TBC1D8: variants seen among roughly 807,000 people sequenced by gnomAD.
The protein encoded by TBC1D8 is TBC1 domain family member 8.
A neutral mutation model predicts 118.8 loss-of-function variants in TBC1D8; 65 were observed. That is an observed-to-expected ratio of 0.55 (90% CI 0.45 to 0.67). The LOEUF is 0.67. TBC1D8 is among the 30% of genes least tolerant of loss of function. The pLI is 0.00. For missense variants in TBC1D8, 1,376 were observed against 1,471.2 expected (o/e 0.94, Z 1.06); for synonymous variants, 566 against 595.8 (o/e 0.95, Z 0.73).
At chr2:101,069,069 G>A (rs1258821616) in intron 2 of TBC1D8, among the ~76,000 whole-genome samples, 1 of 150,896 alleles carries the variant, frequency 6.6e-6, no homozygotes, top group African/African-American at 2.4e-5. Flanking sequence ...GGAGGCCGAG[G>A]CGGGTGGATC....
chr2:101,018,020 A>G, intron 17 of TBC1D8: 2 of 1,288,914 alleles, frequency 1.6e-6, no homozygotes, highest in Non-Finnish European at 2.2e-6. Flanking sequence ...GCATGTGCTC[A>G]TTCTACATAT....
intron 6 of TBC1D8, 27 bp from the exon 7 acceptor site, chr2:101,038,682 A>G: frequency 6.2e-7 from 1 of 1,611,396 alleles, no homozygotes; most frequent in Non-Finnish European, 8.5e-7. Context: ...ATGCAGGGAC[A>G]GAAGGGCGGG....
chr2:101,123,728 T>G (rs1267214169), intron 1 of TBC1D8, among the ~76,000 whole-genome samples: 1 of 152,180 alleles, frequency 6.6e-6, no homozygotes, highest in Non-Finnish European at 1.5e-5. Context: ...AGTTGTTCGC[T>G]TTGTTTTGTT....
intron 14 of TBC1D8, 32 bp downstream of exon 14, chr2:101,028,016 G>A (rs1473460288): frequency 8.1e-6 from 13 of 1,605,742 alleles, no homozygotes; most frequent in South Asian, 2.2e-5. Flanking sequence ...CCCCAATACC[G>A]TGATCACCGG....
At chr2:101,097,144 C>T (rs539944312) in intron 1 of TBC1D8, among the ~76,000 whole-genome samples, 5 of 151,956 alleles carry the variant, frequency 3.3e-5, no homozygotes, top group Admixed American at 6.6e-5. Flanking sequence ...TTTTAAAAAG[C>T]CTGCGAACAA....
At chr2:101,061,759 G>T (rs925905893) in intron 2 of TBC1D8, among the ~76,000 whole-genome samples, 1 of 152,168 alleles carries the variant, frequency 6.6e-6, no homozygotes, top group Admixed American at 6.5e-5. Context: ...GAGGTGAGGG[G>T]TCCCGGTCCT....
chr2:101,143,369 T>A (rs908929072), intron 1 of TBC1D8, among the ~76,000 whole-genome samples: 1 of 151,930 alleles, frequency 6.6e-6, no homozygotes, highest in East Asian at 1.9e-4. Context: ...ACACCTTTCC[T>A]TTTTTTTAAA....
At chr2:101,018,140 T>C (rs1167712027) in intron 17 of TBC1D8, 4 of 516,838 alleles carry the variant, frequency 7.7e-6, no homozygotes, top group African/African-American at 3.8e-5. Context: ...AACAAAGCTT[T>C]CCCTCATTCA....
intron 15 of TBC1D8, 25 bp downstream of exon 15, chr2:101,027,358 C>G: frequency 6.2e-7 from 1 of 1,609,668 alleles, no homozygotes; most frequent in Non-Finnish European, 8.5e-7. Context: ...GGCCTGGAAC[C>G]CCTCATCTTC....
intron 2 of TBC1D8, among the ~76,000 whole-genome samples, chr2:101,084,962 C>T (rs1280063470): frequency 5.9e-5 from 9 of 151,276 alleles, no homozygotes; most frequent in Non-Finnish European, 8.8e-5. Flanking sequence ...CATTCTCCTG[C>T]CTCAGCCACC....
intron 2 of TBC1D8, among the ~76,000 whole-genome samples, chr2:101,078,685 T>C (rs6704799): frequency 0.95 from 138,486 of 146,024 alleles, 65,790 homozygotes; most frequent in East Asian, 1. Context: ...CTCCTCCCTA[T>C]TTTGGGACAT....
chr2:101,062,318 C>T (rs1326112283), intron 2 of TBC1D8, among the ~76,000 whole-genome samples: 1 of 148,954 alleles, frequency 6.7e-6, no homozygotes, highest in Non-Finnish European at 1.5e-5. Context: ...AAAAAAAAAA[C>T]AAGTGAAGAA....
intron 1 of TBC1D8, among the ~76,000 whole-genome samples, chr2:101,106,433 T>A (rs1385608689): frequency 6.6e-6 from 1 of 152,176 alleles, no homozygotes; most frequent in African/African-American, 2.4e-5. Context: ...AACCTGACTG[T>A]ACTACACATG....
At chr2:101,148,703 T>G (rs1483862685) in intron 1 of TBC1D8, among the ~76,000 whole-genome samples, 1 of 152,188 alleles carries the variant, frequency 6.6e-6, no homozygotes, top group Non-Finnish European at 1.5e-5. Context: ...AAAGAGATGT[T>G]TATTGATTAC....
At chr2:101,120,294 C>T (rs973927187) in intron 1 of TBC1D8, among the ~76,000 whole-genome samples, 4 of 152,224 alleles carry the variant, frequency 2.6e-5, no homozygotes, top group African/African-American at 9.6e-5. Context: ...GGTGCCCACC[C>T]TTCCTGGTGC....
intron 2 of TBC1D8, among the ~76,000 whole-genome samples, chr2:101,074,699 T>C (rs1348704782): frequency 1.3e-5 from 2 of 152,190 alleles, no homozygotes; most frequent in Non-Finnish European, 2.9e-5. Context: ...AGACAAACAA[T>C]TATGGGAACA....
chr2:101,125,871 A>T (rs1044081285), intron 1 of TBC1D8, among the ~76,000 whole-genome samples: 5 of 152,188 alleles, frequency 3.3e-5, no homozygotes, highest in Non-Finnish European at 7.3e-5. Flanking sequence ...CTCTTCCTCC[A>T]TCCACCAGAC....
intron 5 of TBC1D8, among the ~76,000 whole-genome samples, chr2:101,049,443 T>C (rs1026909692): frequency 2.0e-5 from 3 of 152,122 alleles, no homozygotes; most frequent in African/African-American, 7.2e-5. Context: ...AGACAAAATA[T>C]GTCAGCCAGG....
intron 1 of TBC1D8, among the ~76,000 whole-genome samples, chr2:101,141,824 CAT>C (rs1443247453): frequency 4.7e-5 from 7 of 150,222 alleles, no homozygotes; most frequent in African/African-American, 1.5e-4. Flanking sequence ...CACACACACA[CAT>C]ACACAAGGCT....
Sources: allele counts gnomAD v4.1 joint callset (sites outside exome capture counted in the v4.1 genomes callset), GRCh38; gene constraint gnomAD v4.1.1; transcripts MANE v1.5; gene names NCBI Gene and HGNC (gene_info 2026-07-23, HGNC 2026-07-21).